RBM45: variants seen among roughly 807,000 people sequenced by gnomAD.
RBM45 encodes the protein RNA-binding protein 45.
Under a neutral mutation model 58.5 loss-of-function variants are expected in RBM45, and 39 were observed. The ratio of observed to expected loss-of-function variants is 0.67; its 90% confidence interval spans 0.52 to 0.87. RBM45 has a LOEUF of 0.87. RBM45 is among the 40% of genes least tolerant of loss of function. The probability of loss-of-function intolerance (pLI) is 0.00; values close to 1 mark genes in which losing one functional copy is unlikely to be tolerated. For missense variants in RBM45, 481 were observed against 581.6 expected (o/e 0.83, Z 1.78); for synonymous variants, 193 against 203.0 (o/e 0.95, Z 0.42).
intron 9 of RBM45, among the ~76,000 whole-genome samples, chr2:178,128,333 G>A (rs2087962111): frequency 6.6e-6 from 1 of 152,008 alleles, no homozygotes; most frequent in Non-Finnish European, 1.5e-5. Context: ...TTTTCTCATA[G>A]GGCTTTTGAG....
chr2:178,122,980 C>T (rs1159518017), intron 5 of RBM45, among the ~76,000 whole-genome samples: 1 of 152,178 alleles, frequency 6.6e-6, no homozygotes, highest in Non-Finnish European at 1.5e-5. Context: ...GTCCCTTTGG[C>T]AGAAATCTCT....
downstream of RBM45, among the ~76,000 whole-genome samples, chr2:178,131,167 A>G (rs145735992): frequency 4.8e-4 from 73 of 152,346 alleles, no homozygotes; most frequent in African/African-American, 1.7e-3. Flanking sequence ...ATTACCAAAA[A>G]ATAGGTGTGG....
downstream of RBM45, among the ~76,000 whole-genome samples, chr2:178,133,255 G>A (rs191738531): frequency 1.9e-3 from 290 of 152,270 alleles, 2 homozygotes; most frequent in Middle Eastern, 0.01. Flanking sequence ...TTACTTTAGT[G>A]AATATTTTTT....
rs113759313 is a variant in RBM45, at chr2:178,128,116, A to T, written c.*9-1281A>T. Among the ~76,000 whole-genome samples the T allele has an allele frequency of 5.1e-3, 753 of 146,574 alleles. 5 individuals are homozygous for T. Among genetic ancestry groups the T allele is most frequent in the African/African-American group, 0.018 (718 of 39,542 alleles). On this transcript the variant is annotated intron_variant, in intron 9 of 9. Coordinates refer to ENST00000286070, the MANE Select transcript of RBM45 (RefSeq NM_152945.4). The stretch of plus-strand genomic sequence containing the variant: ...TGCCTCCTGGGCTCAAGCAGTCCTC[A>T]CAGCTCAGCCTTGCAAGTAGCTGGG...
intron 9 of RBM45, among the ~76,000 whole-genome samples, chr2:178,128,692 T>G (rs754215777): frequency 2.0e-5 from 3 of 152,206 alleles, no homozygotes; most frequent in Non-Finnish European, 4.4e-5. Context: ...AGGGTCAGGT[T>G]AGTTGAAAAT....
chr2:178,137,051 A>G (rs2088050922), exon 4 of RBM45: 1 of 152,200 alleles, frequency 6.6e-6, no homozygotes, highest in African/African-American at 2.4e-5. Flanking sequence ...GGCAGGGGAC[A>G]GGAGTAGTGG....
At chr2:178,133,684 A>G (rs2088022309), downstream of RBM45, among the ~76,000 whole-genome samples, 4 of 152,236 alleles carry the variant, frequency 2.6e-5, no homozygotes, top group African/African-American at 9.6e-5. Context: ...ACCTAGAGGT[A>G]TGCCACACAC....
chr2:178,119,422 A>C (rs543514317), intron 3 of RBM45, among the ~76,000 whole-genome samples: 1 of 152,230 alleles, frequency 6.6e-6, no homozygotes, highest in African/African-American at 2.4e-5. Flanking sequence ...CTGTGAAGGC[A>C]GCTGTCTGAG....
intron 3 of RBM45, among the ~76,000 whole-genome samples, chr2:178,136,234 C>T (rs1227216954): frequency 2.0e-5 from 3 of 152,148 alleles, no homozygotes; most frequent in Non-Finnish European, 4.4e-5. Flanking sequence ...GGTGTAAACC[C>T]GGGAGGCGGA....
chr2:178,121,140 G>A (rs745998371), intron 4 of RBM45, 40 bp from the exon 5 acceptor site: 3 of 1,025,122 alleles, frequency 2.9e-6, no homozygotes, highest in Admixed American at 4.5e-5. Context: ...TGTTGGCTGT[G>A]TAGAAATCTA....
intron 3 of RBM45, among the ~76,000 whole-genome samples, chr2:178,119,375 G>A (rs2087819165): frequency 6.6e-6 from 1 of 152,188 alleles, no homozygotes; most frequent in African/African-American, 2.4e-5. Flanking sequence ...GCTAGCAGAG[G>A]CACAATGCCA....
In RBM45 at chr2:178,123,878, T is replaced by C; in HGVS notation, c.1034T>C (p.Met345Thr). The part of the protein sequence containing the change: ...TQMVAAQLAS[M>T]VWNNPSQQQF... ...ATGGTAGCTGCACAGCTTGCATCAATGGTGTGGAATAACCCAAGTCAGCAA... is the reference window on the plus strand; with the variant it reads ...ATGGTAGCTGCACAGCTTGCATCAACGGTGTGGAATAACCCAAGTCAGCAA... The change falls in exon 7 of 10, where the codon ATG (methionine) becomes ACG (threonine). Residue 345 changes from methionine (M) to threonine (T), a missense_variant. By Grantham distance (81) the Met-to-Thr change is moderately conservative. Transcript: ENST00000286070. 1 of 1,614,110 alleles carries C rather than the reference T, an allele frequency of 6.2e-7. No individual in the cohort carries two copies. Among genetic ancestry groups the C allele is most frequent in the South Asian group, 1.1e-5 (1 of 91,076 alleles).
rs1165590420 is a variant in RBM45, at chr2:178,125,982, A to G, written c.1233-2A>G. On this transcript the variant is annotated splice_acceptor_variant, in intron 8 of 9. Transcript: ENST00000286070. LOFTEE classifies it high-confidence loss of function. ...TTGATTATTTTTTTCACTTTGTTTC[A>G]GTCGTTTTGGTAACCTGATCGAAGT... 1 of 1,610,334 alleles carries G rather than the reference A, an allele frequency of 6.2e-7. No homozygotes were observed. Among genetic ancestry groups the G allele is most frequent in the South Asian group, 1.1e-5 (1 of 90,762 alleles).
At chr2:178,129,752 A>G (rs334055), downstream of RBM45, 15,067 of 152,718 alleles carry the variant, frequency 0.099, 806 homozygotes, top group African/African-American at 0.12. Flanking sequence ...TTTGAGATGC[A>G]CATCTTTCAC....
Position 178,116,350 on chromosome 2 carries a change from C to G in RBM45, c.389C>G (p.Ser130Cys), listed in dbSNP as rs1167047441. Residue 130 changes from serine to cysteine, a missense_variant, in exon 2 of 10, where the codon TCC becomes TGC. Ser to Cys is a moderately radical substitution (Grantham distance 112). Coordinates refer to ENST00000286070, the MANE Select transcript of RBM45 (RefSeq NM_152945.4). ...LTRIFVMIPK[S>C]YTEEDLREKF... is the part of the protein sequence containing the mutation. ...AGAATCTTTGTTATGATACCAAAGTCCTACACAGAAGAAGATCTGCGGGAA... is the reference window on the plus strand; with the variant it reads ...AGAATCTTTGTTATGATACCAAAGTGCTACACAGAAGAAGATCTGCGGGAA... The G allele has an allele frequency of 6.2e-7, 1 of 1,607,008 alleles. No homozygotes were observed. Among genetic ancestry groups the G allele is most frequent in the African/African-American group, 1.3e-5 (1 of 74,290 alleles).
At chr2:178,125,638 G>A in intron 8 of RBM45, 1 of 476,280 alleles carries the variant, frequency 2.1e-6, no homozygotes, top group Non-Finnish European at 4.3e-6. Flanking sequence ...TCACCATGGA[G>A]GCAATGGGGA....
chr2:178,121,091 A>T, intron 4 of RBM45, 89 bp from the exon 5 acceptor site: 1 of 659,700 alleles, frequency 1.5e-6, no homozygotes, highest in Non-Finnish European at 2.6e-6. Context: ...ATTCAGTACA[A>T]TGGACTCTGT....
chr2:178,112,913 C>T, intron 1 of RBM45, 67 bp downstream of exon 1: 1 of 1,501,446 alleles, frequency 6.7e-7, no homozygotes, highest in South Asian at 1.2e-5. Context: ...CCTTCACCTG[C>T]TGCTCTGCCG....
intron 8 of RBM45, chr2:178,125,625 T>C (rs181841407): frequency 4.4e-6 from 2 of 453,268 alleles, no homozygotes; most frequent in Admixed American, 2.7e-5. Context: ...AAGGAATTTG[T>C]TGTCACCATG....
Sources: gnomAD v4.1 joint callset for allele counts (sites outside exome capture counted in the v4.1 genomes callset) on GRCh38, gnomAD v4.1.1 for gene constraint, MANE v1.5 for transcripts, NCBI Gene and HGNC (gene_info 2026-07-23, HGNC 2026-07-21) for gene names.